The following MOCOS variants were observed in gnomAD, a reference collection of about 807,000 sequenced individuals.
The protein encoded by MOCOS is molybdenum cofactor sulfurase, also known as human molybdenum cofactor sulfurase.
MOCOS carries 86 observed loss-of-function variants against 83.6 expected under a neutral mutation model. That is an observed-to-expected ratio of 1.03 (90% CI 0.86 to 1.23). The LOEUF is 1.23. Among genes scored for constraint, MOCOS ranks in the 50% most tolerant of loss-of-function variants. MOCOS has a pLI of 0.00. For synonymous variants in MOCOS, 445 were observed against 434.7 expected, an observed-to-expected ratio of 1.02 and a Z score of -0.29; for missense variants, 1,120 against 1,126.9, an observed-to-expected ratio of 0.99 and a Z score of 0.09.
At chr18:36,264,937 T>C (rs2091676612) in intron 13 of MOCOS, among the ~76,000 whole-genome samples, 1 of 152,230 alleles carries the variant, frequency 6.6e-6, no homozygotes, top group Non-Finnish European at 1.5e-5. Context: ...GACGAATTTA[T>C]TCAGGAGTAA....
intron 8 of MOCOS, 101 bp downstream of exon 8, chr18:36,216,078 C>T (rs959406959): frequency 1.6e-6 from 2 of 1,254,296 alleles, no homozygotes; most frequent in East Asian, 2.5e-5. Flanking sequence ...AATCATTCAT[C>T]AGAGTGTTGT....
chr18:36,193,627 T>G (rs991351159), intron 1 of MOCOS, among the ~76,000 whole-genome samples: 2 of 152,166 alleles, frequency 1.3e-5, no homozygotes, highest in African/African-American at 4.8e-5. Context: ...GCTAAAAGTA[T>G]AATATTCTTA....
intron 13 of MOCOS, among the ~76,000 whole-genome samples, chr18:36,261,052 A>G (rs1342269153): frequency 6.6e-6 from 1 of 151,998 alleles, no homozygotes; most frequent in Non-Finnish European, 1.5e-5. Context: ...CTGTACCTCT[A>G]TGGCCTTGAA....
chr18:36,238,699 C>T (rs1375742439), intron 9 of MOCOS, among the ~76,000 whole-genome samples: 1 of 112,944 alleles, frequency 8.9e-6, no homozygotes, highest in Non-Finnish European at 2.1e-5. Flanking sequence ...TGTTGACTTT[C>T]TGTCTCGTTG....
At chr18:36,204,996 CAAAAA>C (rs10685658) in intron 5 of MOCOS, 76 bp from the exon 6 acceptor site, 104 of 425,462 alleles carry the variant, frequency 2.4e-4, no homozygotes, top group Admixed American at 1.3e-3. Context: ...GACCGTGTCT[CAAAAA>C]AAAAAAAAAA....
chr18:36,263,184 C>T (rs1008651202), intron 13 of MOCOS, among the ~76,000 whole-genome samples: 1 of 152,188 alleles, frequency 6.6e-6, no homozygotes, highest in South Asian at 2.1e-4. Flanking sequence ...GAAACTAGCA[C>T]ATCTCTTTTG....
At chr18:36,240,811 C>T (rs1209907831) in intron 9 of MOCOS, among the ~76,000 whole-genome samples, 1 of 152,188 alleles carries the variant, frequency 6.6e-6, no homozygotes, top group Admixed American at 6.5e-5. Flanking sequence ...ACCCTCCGAG[C>T]CAGGTGCAGG....
At chr18:36,187,925 C>T (rs2091348183) in intron 1 of MOCOS, among the ~76,000 whole-genome samples, 1 of 152,246 alleles carries the variant, frequency 6.6e-6, no homozygotes, top group African/African-American at 2.4e-5. Context: ...TAGCCGTCTT[C>T]CCCTTTTCCC....
intron 9 of MOCOS, among the ~76,000 whole-genome samples, chr18:36,225,752 G>T (rs1447254504): frequency 6.6e-6 from 1 of 151,664 alleles, no homozygotes. Flanking sequence ...GTTTTCATTT[G>T]TCTTTGGTAT....
Position 36,237,263 on chromosome 18 carries a change from G to A in MOCOS, c.1961-11659G>A, listed in dbSNP as rs1568061862. ...TTGCCCATTCAGTATGATATTGGCT[G>A]TGGGTTTGTCATAGATAGCTCTTAT... On this transcript the variant is annotated intron_variant, in intron 9 of 14. Coordinates refer to ENST00000261326, the MANE Select transcript of MOCOS (RefSeq NM_017947.4). Among the ~76,000 whole-genome samples, 18 of 149,602 alleles carry A rather than the reference G, an allele frequency of 1.2e-4. 1 individual carries two copies. The South Asian group carries it at 3.9e-3, about 33-fold the overall frequency.
rs2091539827 is a variant in MOCOS at position 36,232,095 on chromosome 18, T to A, written c.1960+11878T>A. Among the ~76,000 whole-genome samples the A allele has an allele frequency of 2.6e-5, 4 of 152,146 alleles. No homozygotes were observed. In the South Asian group the frequency reaches 8.3e-4, roughly 32 times the overall value. ...CTCAAGCGATCCTGCTACCTCAGCC[T>A]CCGGAGTAGCTGGGACCACAGGCAT... On this transcript the variant is annotated intron_variant, in intron 9 of 14. Coordinates refer to ENST00000261326, the MANE Select transcript of MOCOS (RefSeq NM_017947.4).
At chr18:36,249,039 A>G (rs1384554755) in intron 10 of MOCOS, 39 bp downstream of exon 10, 2 of 1,549,536 alleles carry the variant, frequency 1.3e-6, no homozygotes, top group Middle Eastern at 1.7e-4. Flanking sequence ...AGCTTTATTG[A>G]CAGGCTGGCA....
chr18:36,223,347 A>G (rs370954982), intron 9 of MOCOS, among the ~76,000 whole-genome samples: 11 of 152,296 alleles, frequency 7.2e-5, no homozygotes, highest in South Asian at 4.1e-4. Context: ...TGAAAAGACT[A>G]TCTTTTCTCC....
At chr18:36,211,059 A>G (rs554784029) in intron 6 of MOCOS, among the ~76,000 whole-genome samples, 2 of 151,902 alleles carry the variant, frequency 1.3e-5, no homozygotes, top group African/African-American at 4.8e-5. Flanking sequence ...CATTGTGTGA[A>G]TGGATTCTGT....
In MOCOS at chr18:36,266,749, G is replaced by A. The variant is rs145382623; in HGVS notation, c.2410G>A (p.Val804Ile). 18 of 1,613,920 alleles carry A rather than the reference G, an allele frequency of 1.1e-5. No homozygotes were observed. Among genetic ancestry groups the A allele is most frequent in the Middle Eastern group, 1.6e-4 (1 of 6,062 alleles). Residue 804 changes from valine to isoleucine, a missense_variant and splice_region_variant, in exon 14 of 15, where the codon GTT becomes ATT. Val to Ile is a conservative substitution (Grantham distance 29, BLOSUM62 3). Coordinates refer to ENST00000261326, the MANE Select transcript of MOCOS (RefSeq NM_017947.4). ...EISIGSLRFQ[V>I]LGPCHRCQMI... Reference sequence around the variant, plus strand: ...CTGTGTTTTCCTTCTCACCTGCCAGGTTTTGGGGCCTTGTCACAGATGCCA... The same window carrying A: ...CTGTGTTTTCCTTCTCACCTGCCAGATTTTGGGGCCTTGTCACAGATGCCA...
chr18:36,257,430 C>T (rs372832011), intron 12 of MOCOS, among the ~76,000 whole-genome samples: 6 of 152,112 alleles, frequency 3.9e-5, no homozygotes, highest in African/African-American at 7.2e-5. Context: ...CCCCTGTCCC[C>T]GAGGATCTCT....
chr18:36,211,988 G>A (rs1829545276), intron 6 of MOCOS, among the ~76,000 whole-genome samples: 3 of 152,216 alleles, frequency 2.0e-5, no homozygotes, highest in Admixed American at 2.0e-4. Context: ...GAGCCCTGAG[G>A]CTGCTGTGTG....
chr18:36,221,008 C>T (rs1205014819), intron 9 of MOCOS, among the ~76,000 whole-genome samples: 1 of 151,712 alleles, frequency 6.6e-6, no homozygotes, highest in African/African-American at 2.4e-5. Flanking sequence ...ATTTTCTTCA[C>T]TCATCATCAT....
chr18:36,267,742 A>T lies in MOCOS; in HGVS notation c.2515-791A>T, dbSNP rs1476813896. Among the ~76,000 whole-genome samples the T allele has an allele frequency of 5.3e-5, 8 of 152,366 alleles. No individual in the cohort carries two copies. The East Asian group carries it at 1.5e-3, about 29-fold the overall frequency. On this transcript the variant is annotated intron_variant, in intron 14 of 14. Transcript: ENST00000261326. ...TTGCCAGGAGAAGAAAGAAGAAGGC[A>T]CAAATACAATACTAAGGTCCATGAA...
Sources: gnomAD v4.1 joint callset for allele counts (sites outside exome capture counted in the v4.1 genomes callset) on GRCh38, gnomAD v4.1.1 for gene constraint, MANE v1.5 for transcripts, NCBI Gene and HGNC (gene_info 2026-07-23, HGNC 2026-07-21) for gene names.